The following CDH18 variants were observed in gnomAD, a reference collection of about 807,000 sequenced individuals.
CDH18 encodes the protein cadherin 18.
CDH18 carries 31 observed loss-of-function variants against 67.9 expected under a neutral mutation model. That is an observed-to-expected ratio of 0.46 (90% CI 0.34 to 0.62). The LOEUF (loss-of-function observed/expected upper bound fraction) is 0.62, where lower values mean the gene tolerates loss of function less well. Among genes scored for constraint, CDH18 ranks in the 20% least tolerant of loss-of-function variants. CDH18 has a pLI of 0.01. For missense variants in CDH18, 890 were observed against 975.5 expected, an observed-to-expected ratio of 0.91 and a Z score of 1.17; for synonymous variants, 362 against 347.2, an observed-to-expected ratio of 1.04 and a Z score of -0.48.
At chr5:20,531,875 C>A (rs1398212831) in intron 1 of CDH18, among the ~76,000 whole-genome samples, 2 of 151,118 alleles carry the variant, frequency 1.3e-5, no homozygotes, top group Non-Finnish European at 2.9e-5. Flanking sequence ...GCACATATAG[C>A]CTGGAACATA....
At chr5:19,765,838 T>C (rs1395864801) in intron 3 of CDH18, among the ~76,000 whole-genome samples, 1 of 151,940 alleles carries the variant, frequency 6.6e-6, no homozygotes, top group Non-Finnish European at 1.5e-5. Flanking sequence ...CAAATTCTTT[T>C]CACAGTTAAG....
At chr5:19,549,257 C>T (rs1736903331) in intron 8 of CDH18, among the ~76,000 whole-genome samples, 1 of 152,062 alleles carries the variant, frequency 6.6e-6, no homozygotes, top group Admixed American at 6.6e-5. Context: ...GTAGTTCATG[C>T]AAAATCTAAT....
intron 2 of CDH18, among the ~76,000 whole-genome samples, chr5:20,170,980 A>T (rs974126996): frequency 6.6e-6 from 1 of 151,914 alleles, no homozygotes; most frequent in African/African-American, 2.4e-5. Context: ...TTCCTGCATT[A>T]GTTTGCTAAG....
chr5:19,857,299 T>A (rs1784413695), intron 2 of CDH18, among the ~76,000 whole-genome samples: 2 of 151,782 alleles, frequency 1.3e-5, no homozygotes, highest in Non-Finnish European at 2.9e-5. Context: ...TAGTCACAAC[T>A]GGAAAGCATA....
At chr5:20,217,041 G>T (rs1295493311) in intron 2 of CDH18, among the ~76,000 whole-genome samples, 1 of 151,662 alleles carries the variant, frequency 6.6e-6, no homozygotes, top group East Asian at 1.9e-4. Flanking sequence ...TATATCCAGA[G>T]AAAACATCCT....
chr5:19,647,373 A>C (rs1001989364), intron 5 of CDH18, among the ~76,000 whole-genome samples: 31 of 150,702 alleles, frequency 2.1e-4, no homozygotes, highest in African/African-American at 6.6e-4. Flanking sequence ...ATAACAACAA[A>C]AAAAAAATTA....
At chr5:19,697,161 G>T (rs1762638684) in intron 5 of CDH18, among the ~76,000 whole-genome samples, 1 of 152,132 alleles carries the variant, frequency 6.6e-6, no homozygotes, top group South Asian at 2.1e-4. Context: ...ATCTAGAGAA[G>T]TGGAAAATAT....
At chr5:19,964,662 GA>G (rs1020815257) in intron 2 of CDH18, among the ~76,000 whole-genome samples, 4 of 141,210 alleles carry the variant, frequency 2.8e-5, no homozygotes, top group Non-Finnish European at 3.1e-5. Flanking sequence ...AAAAAAAAAA[GA>G]AAAAAAAAGA....
intron 11 of CDH18, among the ~76,000 whole-genome samples, chr5:19,488,743 CA>C (rs1579747192): frequency 6.6e-6 from 1 of 152,148 alleles, no homozygotes; most frequent in East Asian, 1.9e-4. Flanking sequence ...ATTATATTGA[CA>C]TGGAGGAAGA....
chr5:20,241,334 A>G (rs1317448845), intron 2 of CDH18, among the ~76,000 whole-genome samples: 9 of 152,182 alleles, frequency 5.9e-5, no homozygotes, highest in Admixed American at 4.6e-4. Context: ...AGCTTCAAGC[A>G]TATATTCTTC....
At chr5:20,041,761 C>A (rs1740437736) in intron 2 of CDH18, among the ~76,000 whole-genome samples, 1 of 152,160 alleles carries the variant, frequency 6.6e-6, no homozygotes, top group African/African-American at 2.4e-5. Flanking sequence ...AGAATGCTGT[C>A]ATATTCTTTC....
intron 1 of CDH18, among the ~76,000 whole-genome samples, chr5:20,258,350 G>A (rs1161091261): frequency 1.3e-5 from 2 of 152,058 alleles, no homozygotes; most frequent in African/African-American, 2.4e-5. Flanking sequence ...CTCATATCCA[G>A]TAACTATTTC....
At chr5:19,710,540 A>G (rs1423306720) in intron 5 of CDH18, among the ~76,000 whole-genome samples, 1 of 152,148 alleles carries the variant, frequency 6.6e-6, no homozygotes, top group South Asian at 2.1e-4. Context: ...GTTTCCAAAA[A>G]TATTTAGTTT....
chr5:19,769,773 C>T (rs1315470658), intron 3 of CDH18, among the ~76,000 whole-genome samples: 1 of 151,186 alleles, frequency 6.6e-6, no homozygotes, highest in Non-Finnish European at 1.5e-5. Flanking sequence ...TGTTGTGCTT[C>T]AAAATGTGCT....
At chr5:19,734,383 T>G (rs1220393022) in intron 4 of CDH18, among the ~76,000 whole-genome samples, 8 of 152,180 alleles carry the variant, frequency 5.3e-5, no homozygotes, top group Non-Finnish European at 1.5e-5. Context: ...ATTTGTCTAT[T>G]GATAAGAACT....
chr5:19,795,272 C>G (rs1011327501), intron 3 of CDH18, among the ~76,000 whole-genome samples: 8 of 152,112 alleles, frequency 5.3e-5, no homozygotes, highest in Non-Finnish European at 1.0e-4. Flanking sequence ...CAACAGTTAT[C>G]CTGGTCCAGA....
At chr5:20,257,528 G>T (rs1211364465) in intron 1 of CDH18, among the ~76,000 whole-genome samples, 2 of 152,014 alleles carry the variant, frequency 1.3e-5, no homozygotes, top group East Asian at 3.9e-4. Context: ...AGTTCATAGA[G>T]CCCAATGCAC....
chr5:19,550,789 T>C (rs1293141730), intron 8 of CDH18, among the ~76,000 whole-genome samples: 1 of 152,190 alleles, frequency 6.6e-6, no homozygotes, highest in African/African-American at 2.4e-5. Flanking sequence ...AGTAATGGGA[T>C]GGCTGGGTCA....
chr5:19,562,382 T>G (rs1739609888), intron 8 of CDH18, among the ~76,000 whole-genome samples: 1 of 152,102 alleles, frequency 6.6e-6, no homozygotes, highest in Admixed American at 6.6e-5. Context: ...ACATCCAAAA[T>G]AATTTGGTAT....
Sources: gnomAD v4.1 joint callset for allele counts (sites outside exome capture counted in the v4.1 genomes callset) on GRCh38, gnomAD v4.1.1 for gene constraint, MANE v1.5 for transcripts, NCBI Gene and HGNC (gene_info 2026-07-23, HGNC 2026-07-21) for gene names.